Variants in DNAJC16 observed in about 807,000 individuals in gnomAD.
The protein encoded by DNAJC16 is dnaJ homolog subfamily C member 16.
In DNAJC16, 76 loss-of-function variants were observed where a neutral mutation model predicts 92.7. That is an observed-to-expected ratio of 0.82 (90% CI 0.68 to 0.99). DNAJC16 has a LOEUF of 0.99. Among genes scored for constraint, DNAJC16 ranks in the 50% least tolerant of loss-of-function variants. The pLI, the probability that DNAJC16 is intolerant of heterozygous loss-of-function variation, is 0.00. For synonymous variants in DNAJC16, 328 were observed against 358.7 expected, an observed-to-expected ratio of 0.91 and a Z score of 0.97; for missense variants, 869 against 942.4, an observed-to-expected ratio of 0.92 and a Z score of 1.02.
chr1:15,532,730 T>C (rs1321516736), intron 2 of DNAJC16, among the ~76,000 whole-genome samples: 2 of 152,050 alleles, frequency 1.3e-5, no homozygotes, highest in Non-Finnish European at 1.5e-5. Context: ...CCAGAAATGC[T>C]TTGGAGTCTC....
In DNAJC16 at chr1:15,570,896, A is replaced by C. The variant is rs536804058; in HGVS notation, c.*2719A>C. 9 of 152,318 alleles carry C rather than the reference A, an allele frequency of 5.9e-5. No individual in the cohort carries two copies. In the South Asian group the frequency reaches 1.7e-3, roughly 28 times the overall value. 9.4% of individuals were successfully genotyped at this position (152,318 alleles called of 1,614,324 possible). A position where few individuals can be genotyped will look rare whatever the true frequency, so the allele number is the denominator to read the frequency against. Reference sequence around the variant, plus strand: ...GGTTCTAACACAGTGGTCTTTGACTATCAACATTGATGTTTTTAGAGATGG... The same window carrying C: ...GGTTCTAACACAGTGGTCTTTGACTCTCAACATTGATGTTTTTAGAGATGG... On this transcript the variant is annotated 3_prime_UTR_variant, in exon 15 of 15. Transcript: ENST00000375847.
intron 7 of DNAJC16, among the ~76,000 whole-genome samples, chr1:15,550,276 A>G (rs1428592609): frequency 6.6e-6 from 1 of 152,270 alleles, no homozygotes; most frequent in Non-Finnish European, 1.5e-5. Flanking sequence ...AACAGTTTAT[A>G]GTTCTGAGAA....
In DNAJC16 at chr1:15,567,913, T is replaced by G. The variant is rs1315378857; in HGVS notation, c.2085T>G (p.Thr695=). The G allele has an allele frequency of 1.2e-6, 2 of 1,614,210 alleles. No individual in the cohort carries two copies. The change falls in exon 15 of 15, where the codon ACT becomes ACG. Residue 695 remains threonine (T), a synonymous_variant. Coordinates refer to ENST00000375847, the MANE Select transcript of DNAJC16 (RefSeq NM_015291.4). ...AGCATTTCATGGAGCGTGACTACACTGGTTATGTACTGGCTCTGAATGGCC... is the reference window on the plus strand; with the variant it reads ...AGCATTTCATGGAGCGTGACTACACGGGTTATGTACTGGCTCTGAATGGCC... The part of the protein sequence containing the change: ...YDKHFMERDY[T]GYVLALNGHK...
At chr1:15,555,989 C>T (rs1638561539) in intron 7 of DNAJC16, among the ~76,000 whole-genome samples, 1 of 117,018 alleles carries the variant, frequency 8.5e-6, no homozygotes, top group African/African-American at 3.8e-5. Flanking sequence ...GAAACTCCAT[C>T]TCAAAAAAAA....
chr1:15,527,812 A>AT (rs1173520087), intron 1 of DNAJC16, among the ~76,000 whole-genome samples: 2 of 152,212 alleles, frequency 1.3e-5, no homozygotes, highest in African/African-American at 4.8e-5. Flanking sequence ...TTCTTCAGTA[A>AT]GGTGTCACAG....
intron 6 of DNAJC16, among the ~76,000 whole-genome samples, chr1:15,547,368 G>A (rs573732723): frequency 4.0e-5 from 6 of 151,216 alleles, no homozygotes; most frequent in South Asian, 4.2e-4. Context: ...GGCTGCTCTC[G>A]AACTCCTGAC....
chr1:15,527,809 G>A (rs760969547), intron 1 of DNAJC16, among the ~76,000 whole-genome samples: 5 of 152,150 alleles, frequency 3.3e-5, no homozygotes, highest in Non-Finnish European at 7.3e-5. Context: ...CCCTTCTTCA[G>A]TAAGGTGTCA....
chr1:15,565,769 C>T, intron 11 of DNAJC16, 150 bp from the exon 12 acceptor site: 2 of 737,556 alleles, frequency 2.7e-6, no homozygotes, highest in South Asian at 3.5e-5. Flanking sequence ...CCTCCACCAC[C>T]TCCACCCGCC....
chr1:15,555,576 A>G (rs572904841), intron 7 of DNAJC16, among the ~76,000 whole-genome samples: 18 of 147,366 alleles, frequency 1.2e-4, no homozygotes, highest in African/African-American at 4.5e-4. Flanking sequence ...CTAGCTCCTT[A>G]GAAGGCTGAG....
intron 4 of DNAJC16, among the ~76,000 whole-genome samples, chr1:15,544,152 A>ACACACACACACACACACACACACACACG (rs1638225686): frequency 3.0e-5 from 1 of 33,194 alleles, no homozygotes; most frequent in Non-Finnish European, 5.4e-5. Flanking sequence ...GTATATGCAT[A>ACACACACACACACACACACACACACACG]CACACACACA....
At chr1:15,561,106 ATC>A (rs1638680579) in intron 8 of DNAJC16, among the ~76,000 whole-genome samples, 1 of 132,700 alleles carries the variant, frequency 7.5e-6, no homozygotes, top group Non-Finnish European at 1.6e-5. Flanking sequence ...TCCCCTTTTC[ATC>A]TTTTTTTTTT....
Position 15,536,783 on chromosome 1 carries a change from G to A in DNAJC16, c.543G>A (p.Trp181Ter), listed in dbSNP as rs1710800992. 2.5e-6 allele frequency: 4 copies of A among 1,607,096 alleles called. No individual in the cohort carries two copies. The highest frequency in any genetic ancestry group is 3.4e-6 in the Non-Finnish European group (4 of 1,177,440). ...CFSCIHIEPVWKEVIQELEEL... is the reference protein window; with the variant it reads ...CFSCIHIEPV ...GCTGCATTCATATCGAGCCTGTGTGGAAAGAAGTCATTCAAGAACTGGAAG... is the reference window on the plus strand; with the variant it reads ...GCTGCATTCATATCGAGCCTGTGTGAAAAGAAGTCATTCAAGAACTGGAAG... Residue 181 changes from tryptophan (W) to a stop codon, truncating the protein, a stop_gained, in exon 4 of 15, where the codon TGG becomes TGA. Transcript: ENST00000375847. LOFTEE classifies it high-confidence loss of function.
chr1:15,560,701 A>G (rs554193518), intron 8 of DNAJC16, among the ~76,000 whole-genome samples: 6 of 152,144 alleles, frequency 3.9e-5, no homozygotes, highest in Non-Finnish European at 8.8e-5. Context: ...CTTAAATATA[A>G]AAAAAGAATA....
intron 14 of DNAJC16, 95 bp downstream of exon 14, chr1:15,567,364 C>T: frequency 7.4e-7 from 1 of 1,349,112 alleles, no homozygotes; most frequent in Non-Finnish European, 1.0e-6. Context: ...TCTTGTGGGG[C>T]TTCATCCATA....
intron 4 of DNAJC16, 91 bp downstream of exon 4, chr1:15,536,905 C>T: frequency 8.5e-7 from 1 of 1,178,968 alleles, no homozygotes; most frequent in Non-Finnish European, 1.2e-6. Context: ...GGCTGGAGTA[C>T]AGTGGTGTGA....
At chr1:15,561,158 A>G (rs943187285) in intron 8 of DNAJC16, among the ~76,000 whole-genome samples, 1 of 147,858 alleles carries the variant, frequency 6.8e-6, no homozygotes, top group Non-Finnish European at 1.5e-5. Flanking sequence ...GTCATAATAT[A>G]TCTGTTTTCT....
Position 15,534,247 on chromosome 1 carries a change from A to T in DNAJC16, c.178A>T (p.Lys60Ter). ...CTGTTTGTGTTTCAGGCATCCTGACAAAAACAAAGATCCTGGAGCAGAAGA... is the reference window on the plus strand; with the variant it reads ...CTGTTTGTGTTTCAGGCATCCTGACTAAAACAAAGATCCTGGAGCAGAAGA... ...KKLAREWHPD[K>*]NKDPGAEDKF... is the part of the protein sequence containing the mutation. The change falls in exon 3 of 15, where the codon AAA becomes TAA. Residue 60 changes from lysine (K) to a stop codon, truncating the protein, a stop_gained. Transcript: ENST00000375847. LOFTEE classifies it high-confidence loss of function. The T allele has an allele frequency of 6.2e-7, 1 of 1,614,020 alleles. No individual in the cohort carries two copies. Among genetic ancestry groups the T allele is most frequent in the South Asian group, 1.1e-5 (1 of 91,046 alleles).
intron 13 of DNAJC16, 30 bp from the exon 14 acceptor site, chr1:15,567,069 G>A (rs765919672): frequency 1.3e-6 from 2 of 1,593,210 alleles, no homozygotes; most frequent in South Asian, 1.1e-5. Context: ...TATCCTGACA[G>A]CATCTTAACT....
In DNAJC16 at chr1:15,568,144, G is replaced by A. The variant is rs371156516; in HGVS notation, c.2316G>A (p.Arg772=). Reference sequence around the variant, plus strand: ...GCCTGCTGGAGGGCTCCTTACAGAGGTTTTATATCCCATCATGGCCTGAAC... The same window carrying A: ...GCCTGCTGGAGGGCTCCTTACAGAGATTTTATATCCCATCATGGCCTGAAC... ...MERLLEGSLQ[R]FYIPSWPELD Residue 772 remains arginine (R), a synonymous_variant, in exon 15 of 15, where the codon AGG becomes AGA. Coordinates refer to ENST00000375847, the MANE Select transcript of DNAJC16 (RefSeq NM_015291.4). 222 of 1,613,410 alleles carry A rather than the reference G, an allele frequency of 1.4e-4. No individual in the cohort carries two copies. Among genetic ancestry groups the A allele is most frequent in the Non-Finnish European group, 1.8e-4 (218 of 1,179,756 alleles).
Sources: gnomAD v4.1 joint callset for allele counts (sites outside exome capture counted in the v4.1 genomes callset) on GRCh38, gnomAD v4.1.1 for gene constraint, MANE v1.5 for transcripts, NCBI Gene and HGNC (gene_info 2026-07-23, HGNC 2026-07-21) for gene names.